The following ANAPC2 variants were observed in gnomAD, a reference collection of about 807,000 sequenced individuals.
ANAPC2 encodes anaphase promoting complex subunit 2.
In ANAPC2, 29 loss-of-function variants were observed where a neutral mutation model predicts 84.3. The observed-to-expected ratio is 0.34, with a 90% CI of 0.26 to 0.47. ANAPC2 has a LOEUF of 0.47. Among genes scored for constraint, ANAPC2 ranks in the 20% least tolerant of loss-of-function variants. The pLI, the probability that ANAPC2 is intolerant of heterozygous loss-of-function variation, is 1.00. For missense variants in ANAPC2, 857 were observed against 1,131.7 expected, an observed-to-expected ratio of 0.76 and a Z score of 3.48; for synonymous variants, 571 against 479.4, an observed-to-expected ratio of 1.19 and a Z score of -2.50.
intron 10 of ANAPC2, among the ~76,000 whole-genome samples, chr9:137,177,873 G>A (rs1834258225): frequency 6.6e-6 from 1 of 152,212 alleles, no homozygotes; most frequent in Non-Finnish European, 1.5e-5. Context: ...AGAGACCAGA[G>A]CGAGGCACCC....
At chr9:137,175,901 C>A (rs902928886) in intron 10 of ANAPC2, 64 bp from the exon 11 acceptor site, 2 of 1,508,160 alleles carry the variant, frequency 1.3e-6, no homozygotes, top group Non-Finnish European at 1.8e-6. Flanking sequence ...GTGGGCTCTG[C>A]CACCTGGTAC....
intron 10 of ANAPC2, chr9:137,176,220 C>G (rs777707563): frequency 5.0e-5 from 8 of 159,216 alleles, no homozygotes; most frequent in Non-Finnish European, 6.1e-5. Context: ...GGGGGCCACA[C>G]GAAGACAGAG....
intron 10 of ANAPC2, among the ~76,000 whole-genome samples, chr9:137,179,312 G>A (rs1163042692): frequency 1.3e-5 from 2 of 152,060 alleles, no homozygotes; most frequent in Non-Finnish European, 2.9e-5. Flanking sequence ...GAAAGCCCTG[G>A]AACCCGCCTG....
At chr9:137,183,928 C>G in intron 4 of ANAPC2, 137 bp from the exon 5 acceptor site, 2 of 1,173,208 alleles carry the variant, frequency 1.7e-6, no homozygotes, top group Non-Finnish European at 2.4e-6. Context: ...TGCTAGGCAC[C>G]AGACATCCCC....
In ANAPC2 at chr9:137,175,462, G is replaced by A. The variant is rs1354227199; in HGVS notation, c.2031C>T (p.Thr677=). The A allele has an allele frequency of 6.4e-7, 1 of 1,573,704 alleles. No homozygotes were observed. The highest frequency in any genetic ancestry group is 2.4e-5 in the East Asian group (1 of 42,450). Residue 677 remains threonine (T), a synonymous_variant, in exon 12 of 13, where the codon ACC becomes ACT. Transcript: ENST00000323927. ...TCACCGCCTTGCTCAGTTCCTCCAG[G>A]GTCCAGCTGGCTGCGTGCAGAGTCA... The part of the protein sequence containing the change: ...LLYFQDQASW[T]LEELSKAVKM...
chr9:137,181,660 G>A (rs1425909661), intron 7 of ANAPC2, 21 bp downstream of exon 7: 9 of 1,573,328 alleles, frequency 5.7e-6, no homozygotes, highest in East Asian at 2.3e-5. Flanking sequence ...TGGTGAAAGG[G>A]ACCATGTGGG....
At position 137,187,958 on chromosome 9, in the gene ANAPC2, G is replaced by A; in HGVS notation, c.263C>T (p.Ser88Phe). The A allele has an allele frequency of 6.2e-7, 1 of 1,613,930 alleles. No homozygotes were observed. The highest frequency in any genetic ancestry group is 8.5e-7 in the Non-Finnish European group (1 of 1,180,036). The change falls in exon 2 of 13, where the codon TCC becomes TTC. Residue 88 changes from serine (S) to phenylalanine (F), a missense_variant. By Grantham distance (155) the Ser-to-Phe change is radical. Transcript: ENST00000323927. ...VLQNDLQANISPEFWNAISQC... is the reference protein window; with the variant it reads ...VLQNDLQANIFPEFWNAISQC... ...GGAGATGGCATTCCAGAACTCAGGG[G>A]AGATGTTGGCCTGCAGATCGTTCTG...
At chr9:137,175,648 C>T in intron 11 of ANAPC2, 60 bp downstream of exon 11, 2 of 1,565,666 alleles carry the variant, frequency 1.3e-6, no homozygotes, top group Non-Finnish European at 1.7e-6. Context: ...GGGGAACAGC[C>T]CCTCACCCAC....
rs746681767 is a variant in ANAPC2, at chr9:137,180,322, T to C, written c.1749A>G (p.Ala583=). 4 of 1,613,168 alleles carry C rather than the reference T, an allele frequency of 2.5e-6. No homozygotes were observed. The highest frequency in any genetic ancestry group is 2.5e-6 in the Non-Finnish European group (3 of 1,180,004). The change falls in exon 10 of 13, where the codon GCA becomes GCG. Residue 583 remains alanine, a synonymous_variant. Coordinates refer to ENST00000323927, the MANE Select transcript of ANAPC2 (RefSeq NM_013366.4). ...AGACCCCGAACGGTGGCTGCTCCTC[T>C]GCTGGCCGCTTCTCATCCTCCTCCC... ...NIREEDEKRP[A]EEQPPFGVYA...
chr9:137,187,416 G>A (rs1343858900), intron 2 of ANAPC2, 65 bp downstream of exon 2: 1 of 1,538,728 alleles, frequency 6.5e-7, no homozygotes, highest in Non-Finnish European at 8.7e-7. Context: ...GAGGCCAGCT[G>A]GACCCAGGGG....
chr9:137,187,569 T>C lies in ANAPC2; in HGVS notation c.652A>G (p.Ser218Gly), dbSNP rs1323217590. ...CTGCTGCACCCTGCACACAGCGGGC[T>C]CTGCAGGAGCCGGTAGTACCGGCGA... ...ARRRYYRLLQ[S>G]PLCAGCSSDK... The change falls in exon 2 of 13, where the codon AGC becomes GGC. Residue 218 changes from serine to glycine, a missense_variant. Coordinates refer to ENST00000323927, the MANE Select transcript of ANAPC2 (RefSeq NM_013366.4). 1.9e-6 allele frequency: 3 copies of C among 1,613,796 alleles called. No homozygotes were observed.
chr9:137,176,001 A>C, intron 10 of ANAPC2, 164 bp from the exon 11 acceptor site: 2 of 813,244 alleles, frequency 2.5e-6, no homozygotes, highest in Non-Finnish European at 3.7e-6. Flanking sequence ...TGGGGTCCCC[A>C]CCTGCTCAGC....
chr9:137,180,220 T>C lies in ANAPC2; in HGVS notation c.1851A>G (p.Ala617=). The part of the protein sequence containing the change: ...EKLEVPEDIR[A]ALEAYCKKYE... Reference sequence around the variant, plus strand: ...ACTTCTTGCAGTAAGCCTCCAGGGCTGCCCTGATATCCTCGGGGACCTCCA... The same window carrying C: ...ACTTCTTGCAGTAAGCCTCCAGGGCCGCCCTGATATCCTCGGGGACCTCCA... The change falls in exon 10 of 13, where the codon GCA becomes GCG. Residue 617 remains alanine, a synonymous_variant. Transcript: ENST00000323927. The C allele has an allele frequency of 6.2e-7, 1 of 1,613,824 alleles. No individual in the cohort carries two copies. The highest frequency in any genetic ancestry group is 8.5e-7 in the Non-Finnish European group (1 of 1,180,012).
Position 137,185,093 on chromosome 9 carries a change from A to G in ANAPC2, c.874-6T>C, listed in dbSNP as rs763264173. The G allele has an allele frequency of 1.8e-5, 28 of 1,535,446 alleles. No individual in the cohort carries two copies. The highest frequency in any genetic ancestry group is 2.3e-5 in the Non-Finnish European group (26 of 1,140,954). ...CCGACCACCCGCTCGATCCACTGTC[A>G]GGAGAACGCTAGTGTGAGCTGCAGG... On this transcript the variant is annotated splice_polypyrimidine_tract_variant and splice_region_variant and intron_variant, in intron 3 of 12. Coordinates refer to ENST00000323927, the MANE Select transcript of ANAPC2 (RefSeq NM_013366.4).
chr9:137,185,780 A>T (rs1162611234), intron 3 of ANAPC2, among the ~76,000 whole-genome samples: 1 of 152,170 alleles, frequency 6.6e-6, no homozygotes, highest in East Asian at 1.9e-4. Context: ...CCAACAGCAC[A>T]GGTGCCTGGA....
At position 137,188,018 on chromosome 9, in the gene ANAPC2, T is replaced by A. The variant is rs1401755241; in HGVS notation, c.203A>T (p.His68Leu). 1 of 1,613,624 alleles carries A rather than the reference T, an allele frequency of 6.2e-7. No individual in the cohort carries two copies. The highest frequency in any genetic ancestry group is 2.2e-5 in the East Asian group (1 of 44,898). ...AVEVLRGHGL[H>L]SVLEEWFVEV... Reference sequence around the variant, plus strand: ...CACGAACCACTCCTCCAGGACCGAGTGTAGCCCGTGGCCCCTCAGAACCTC... The same window carrying A: ...CACGAACCACTCCTCCAGGACCGAGAGTAGCCCGTGGCCCCTCAGAACCTC... Residue 68 changes from histidine to leucine, a missense_variant, in exon 2 of 13, where the codon CAC becomes CTC. This residue lies in a region of ANAPC2 where 428 missense variants were observed against 513.8 expected (regional missense o/e 0.83). Coordinates refer to ENST00000323927, the MANE Select transcript of ANAPC2 (RefSeq NM_013366.4).
intron 7 of ANAPC2, among the ~76,000 whole-genome samples, chr9:137,181,313 T>C (rs1834338029): frequency 6.6e-6 from 1 of 152,246 alleles, no homozygotes; most frequent in Non-Finnish European, 1.5e-5. Flanking sequence ...AGATGGGCTC[T>C]GAGCAGGAGC....
intron 10 of ANAPC2, among the ~76,000 whole-genome samples, 198 bp downstream of exon 10, chr9:137,179,983 G>T (rs1834307244): frequency 6.6e-6 from 1 of 152,260 alleles, no homozygotes; most frequent in African/African-American, 2.4e-5. Flanking sequence ...GCTCACAGGG[G>T]ACACGGGGTT....
intron 4 of ANAPC2, among the ~76,000 whole-genome samples, chr9:137,184,385 G>T (rs1175623231): frequency 1.4e-5 from 2 of 145,538 alleles, no homozygotes; most frequent in Non-Finnish European, 3.0e-5. Context: ...CACGGTGAAG[G>T]CACGGGGAGC....
Sources: allele counts gnomAD v4.1 joint callset (sites outside exome capture counted in the v4.1 genomes callset), GRCh38; gene constraint gnomAD v4.1.1; regional missense constraint gnomAD v4.1.1; transcripts MANE v1.5; gene names NCBI Gene and HGNC (gene_info 2026-07-23, HGNC 2026-07-21).